PPM1B: variants seen among roughly 807,000 people sequenced by gnomAD.
PPM1B encodes the protein protein phosphatase 1B.
Under a neutral mutation model 43.0 loss-of-function variants are expected in PPM1B, and 22 were observed. The observed-to-expected ratio is 0.51, with a 90% CI of 0.37 to 0.73. The LOEUF is 0.73. Ranked by LOEUF, PPM1B falls within the 30% of genes least tolerant of loss-of-function variation. The pLI is 0.00. For missense variants in PPM1B, 632 were observed against 584.2 expected (o/e 1.08, Z -0.84); for synonymous variants, 217 against 197.9 (o/e 1.10, Z -0.81).
In PPM1B at chr2:44,193,023, G is replaced by A. The variant is rs574856030; in HGVS notation, c.-14-8163G>A. 1.5e-4 allele frequency among the ~76,000 whole-genome samples: 23 copies of A among 152,284 alleles called. No homozygotes were observed. In the South Asian group the frequency reaches 4.1e-3, roughly 27 times the overall value. ...CTTGGTTTTGGTAAATAATGCCACA[G>A]TGAACATGGGAGTGCCGATACTTCT... On this transcript the variant is annotated intron_variant, in intron 1 of 5. Transcript: ENST00000282412.
At chr2:44,206,324 C>A (rs189261809) in intron 2 of PPM1B, among the ~76,000 whole-genome samples, 43 of 152,268 alleles carry the variant, frequency 2.8e-4, no homozygotes, top group African/African-American at 9.6e-4. Flanking sequence ...AGGAAAGGAC[C>A]TTTTCTGTTG....
At chr2:44,194,369 C>G (rs1272852943) in intron 1 of PPM1B, among the ~76,000 whole-genome samples, 1 of 152,126 alleles carries the variant, frequency 6.6e-6, no homozygotes, top group Admixed American at 6.5e-5. Context: ...AGTGAATTTC[C>G]TCAGAGAGCA....
intron 2 of PPM1B, among the ~76,000 whole-genome samples, chr2:44,203,792 A>G (rs1669049888): frequency 6.6e-6 from 1 of 152,172 alleles, no homozygotes; most frequent in Non-Finnish European, 1.5e-5. Flanking sequence ...AATAGCCAAA[A>G]AATCTATTAG....
At chr2:44,189,404 A>G (rs1668296307) in intron 1 of PPM1B, among the ~76,000 whole-genome samples, 1 of 152,272 alleles carries the variant, frequency 6.6e-6, no homozygotes, top group Admixed American at 6.5e-5. Flanking sequence ...TGAGTTCTCA[A>G]ACTGTCTAGG....
chr2:44,192,806 G>C (rs1188815727), intron 1 of PPM1B, among the ~76,000 whole-genome samples: 1 of 152,152 alleles, frequency 6.6e-6, no homozygotes, highest in Non-Finnish European at 1.5e-5. Context: ...ATGCAAGTGA[G>C]AATATACAAT....
chr2:44,234,062 T>C, downstream of PPM1B: 1 of 968,814 alleles, frequency 1.0e-6, no homozygotes, highest in Non-Finnish European at 1.2e-6. Context: ...ATAAAAACAG[T>C]GTGACATATT....
intron 1 of PPM1B, among the ~76,000 whole-genome samples, chr2:44,187,027 C>G (rs1046843773): frequency 6.6e-6 from 1 of 152,204 alleles, no homozygotes; most frequent in Admixed American, 6.5e-5. Flanking sequence ...CAACAAATCT[C>G]CAGAACTTTT....
intron 1 of PPM1B, among the ~76,000 whole-genome samples, chr2:44,169,747 C>T (rs1291724727): frequency 6.6e-6 from 1 of 152,214 alleles, no homozygotes; most frequent in East Asian, 1.9e-4. Flanking sequence ...AATCGTCTTT[C>T]TCTGCTGTCT....
At chr2:44,193,332 A>T (rs1325444686) in intron 1 of PPM1B, among the ~76,000 whole-genome samples, 1 of 151,886 alleles carries the variant, frequency 6.6e-6, no homozygotes, top group Non-Finnish European at 1.5e-5. Context: ...ATTTTTTCAC[A>T]TATCTATTGG....
chr2:44,223,372 TTTTAC>T (rs1198344510), intron 5 of PPM1B, among the ~76,000 whole-genome samples: 1 of 152,194 alleles, frequency 6.6e-6, no homozygotes, highest in Non-Finnish European at 1.5e-5. Context: ...CATTTTTCTG[TTTTAC>T]TTTAAACGGA....
chr2:44,171,577 C>G (rs1032826355), intron 1 of PPM1B, among the ~76,000 whole-genome samples: 4 of 152,130 alleles, frequency 2.6e-5, no homozygotes, highest in Non-Finnish European at 4.4e-5. Flanking sequence ...TGCCTGTAAT[C>G]TCAGCACTTT....
Position 44,231,195 on chromosome 2 carries a change from A to G in PPM1B, c.*477A>G. On this transcript the variant is annotated 3_prime_UTR_variant, in exon 6 of 6. Coordinates refer to ENST00000282412, the MANE Select transcript of PPM1B (RefSeq NM_002706.6). Reference sequence around the variant, plus strand: ...GATGCTGGCCTGTAATTTTTCTTTCAAGGATGATAATTTGTGTGTTGTTTG... The same window carrying G: ...GATGCTGGCCTGTAATTTTTCTTTCGAGGATGATAATTTGTGTGTTGTTTG... The G allele has an allele frequency of 1.0e-6, 1 of 984,108 alleles. No individual in the cohort carries two copies. Among genetic ancestry groups the G allele is most frequent in the Non-Finnish European group, 1.2e-6 (1 of 828,754 alleles). The allele number at this position is 984,108 out of a possible 1,614,324, so 61.0% of individuals were successfully genotyped here. A position where few individuals can be genotyped will look rare whatever the true frequency, so the allele number is the denominator to read the frequency against.
downstream of PPM1B, among the ~76,000 whole-genome samples, chr2:44,234,943 G>T (rs1050623150): frequency 1.3e-5 from 2 of 152,132 alleles, no homozygotes; most frequent in African/African-American, 4.8e-5. Context: ...ATTCTTGTTT[G>T]TGCTTTTGCG....
chr2:44,182,099 T>G (rs936918357), intron 1 of PPM1B, among the ~76,000 whole-genome samples: 1 of 152,196 alleles, frequency 6.6e-6, no homozygotes, highest in Non-Finnish European at 1.5e-5. Context: ...GATAGTTGGC[T>G]AATTCTACCA....
rs1343058176 is a variant in PPM1B at position 44,217,961 on chromosome 2, C to G, written c.965-6C>G. ...AATTTAGGAACTTTTTTTAAAAAAC[C>G]TACAGAGATTATGGAGAAGTCTGGC... is the stretch of plus-strand genomic sequence containing the variant. On this transcript the variant is annotated splice_polypyrimidine_tract_variant and splice_region_variant and intron_variant, in intron 3 of 5. Coordinates refer to ENST00000282412, the MANE Select transcript of PPM1B (RefSeq NM_002706.6). The G allele has an allele frequency of 6.3e-7, 1 of 1,574,850 alleles. No homozygotes were observed. Among genetic ancestry groups the G allele is most frequent in the South Asian group, 1.2e-5 (1 of 84,976 alleles).
intron 1 of PPM1B, among the ~76,000 whole-genome samples, chr2:44,191,485 A>G (rs1668402110): frequency 6.6e-6 from 1 of 152,208 alleles, no homozygotes; most frequent in South Asian, 2.1e-4. Flanking sequence ...AAGTGCTGGG[A>G]TTACAGGCGT....
chr2:44,242,415 T>C (rs1259288737), intron 5 of PPM1B, among the ~76,000 whole-genome samples: 1 of 152,194 alleles, frequency 6.6e-6, no homozygotes, highest in Non-Finnish European at 1.5e-5. Context: ...AAGGTAAAGA[T>C]GTCAAAATGT....
At position 44,227,785 on chromosome 2, in the gene PPM1B, G is replaced by T. The variant is rs572328724; in HGVS notation, c.1135-2628G>T. Among the ~76,000 whole-genome samples, 8 of 151,872 alleles carry T rather than the reference G, an allele frequency of 5.3e-5. No homozygotes were observed. The South Asian group carries it at 1.7e-3, about 32-fold the overall frequency. On this transcript the variant is annotated intron_variant, in intron 5 of 5. Coordinates refer to ENST00000282412, the MANE Select transcript of PPM1B (RefSeq NM_002706.6). ...TCCACCCATCTCAGCCTCCCAAAGT[G>T]CTGCGATTACAGGCATGAGCTACTG... is the stretch of plus-strand genomic sequence containing the variant.
At chr2:44,209,032 C>T (rs1326481183) in intron 2 of PPM1B, among the ~76,000 whole-genome samples, 178 bp from the exon 3 acceptor site, 1 of 152,100 alleles carries the variant, frequency 6.6e-6, no homozygotes. Context: ...TATACCCATA[C>T]CTAGACACCT....
Sources: gnomAD v4.1 joint callset for allele counts (sites outside exome capture counted in the v4.1 genomes callset) on GRCh38, gnomAD v4.1.1 for gene constraint, MANE v1.5 for transcripts, NCBI Gene and HGNC (gene_info 2026-07-23, HGNC 2026-07-21) for gene names.